RPAP2: variants seen among roughly 807,000 people sequenced by gnomAD.
RPAP2 encodes RNA polymerase II associated protein 2.
Under a neutral mutation model 73.1 loss-of-function variants are expected in RPAP2, and 52 were observed. The observed-to-expected ratio is 0.71, with a 90% CI of 0.57 to 0.90. RPAP2 has a LOEUF of 0.90. Ranked by LOEUF, RPAP2 falls within the 40% of genes least tolerant of loss-of-function variation. The probability of loss-of-function intolerance (pLI) is 0.00; values close to 1 mark genes in which losing one functional copy is unlikely to be tolerated. For synonymous variants in RPAP2, 225 were observed against 242.1 expected, an observed-to-expected ratio of 0.93 and a Z score of 0.65; for missense variants, 598 against 701.8, an observed-to-expected ratio of 0.85 and a Z score of 1.67.
chr1:92,371,313 AAAAAAAATATAT>A (rs74529175), intron 11 of RPAP2, among the ~76,000 whole-genome samples: 65,409 of 137,938 alleles, frequency 0.47, 16,415 homozygotes, highest in East Asian at 0.94. Context: ...TCAAAAAAAA[AAAAAAAATATAT>A]ATATATATAT....
chr1:92,310,109 A>T (rs1456528565), intron 6 of RPAP2, among the ~76,000 whole-genome samples: 1 of 152,224 alleles, frequency 6.6e-6, no homozygotes, highest in East Asian at 1.9e-4. Context: ...AACAGTGAAT[A>T]ATCTATATAT....
rs1655899867 is a variant in RPAP2, at chr1:92,387,201, G to A, written c.*190G>A. 4.7e-6 allele frequency: 2 copies of A among 425,846 alleles called. No individual in the cohort carries two copies. The highest frequency in any genetic ancestry group is 8.4e-6 in the Non-Finnish European group (2 of 238,112). The allele number at this position is 425,846 out of a possible 1,614,324, so 26.4% of individuals were successfully genotyped here. The stretch of plus-strand genomic sequence containing the variant: ...GCAGAGGATGACCTCCCCAGATAGA[G>A]GAGAATCATTACTCCAACAAGAATA... On this transcript the variant is annotated 3_prime_UTR_variant, in exon 13 of 13. Coordinates refer to ENST00000610020, the MANE Select transcript of RPAP2 (RefSeq NM_024813.3).
At chr1:92,379,661 G>A (rs1272082672) in intron 11 of RPAP2, among the ~76,000 whole-genome samples, 11 of 152,126 alleles carry the variant, frequency 7.2e-5, no homozygotes, top group Non-Finnish European at 1.0e-4. Flanking sequence ...TTAGCCAGGC[G>A]TGGTGGCTCA....
intron 11 of RPAP2, among the ~76,000 whole-genome samples, chr1:92,380,417 C>T (rs1299384252): frequency 6.6e-6 from 1 of 152,170 alleles, no homozygotes; most frequent in African/African-American, 2.4e-5. Flanking sequence ...CTTTTCGTAA[C>T]CTCCCTTTCC....
intron 11 of RPAP2, among the ~76,000 whole-genome samples, chr1:92,350,350 T>C (rs184931090): frequency 1.5e-3 from 229 of 152,278 alleles, no homozygotes; most frequent in African/African-American, 5.2e-3. Context: ...AGAACATATA[T>C]AACAGTGATA....
rs541345909 is a variant in RPAP2, at chr1:92,397,318, A to T, written c.*10307A>T. On this transcript the variant is annotated 3_prime_UTR_variant, in exon 13 of 13. Coordinates refer to ENST00000610020, the MANE Select transcript of RPAP2 (RefSeq NM_024813.3). Reference sequence around the variant, plus strand: ...GGTGGGAGGATCACTTGAGCCCAGGAGGCAGAGGTTGTAGGGAGCCAAGAT... The same window carrying T: ...GGTGGGAGGATCACTTGAGCCCAGGTGGCAGAGGTTGTAGGGAGCCAAGAT... The T allele has an allele frequency of 6.6e-6, 1 of 152,210 alleles. No individual in the cohort carries two copies. Among genetic ancestry groups the T allele is most frequent in the Non-Finnish European group, 1.5e-5 (1 of 68,074 alleles). 9.4% of individuals were successfully genotyped at this position (152,210 alleles called of 1,614,324 possible).
At chr1:92,373,955 G>C (rs1407812752) in intron 11 of RPAP2, among the ~76,000 whole-genome samples, 1 of 151,940 alleles carries the variant, frequency 6.6e-6, no homozygotes, top group Non-Finnish European at 1.5e-5. Flanking sequence ...TAATAGTACA[G>C]GGGTTGGCAA....
chr1:92,306,189 CAG>C (rs1040110679), intron 5 of RPAP2, among the ~76,000 whole-genome samples: 3 of 152,002 alleles, frequency 2.0e-5, no homozygotes, highest in Non-Finnish European at 4.4e-5. Flanking sequence ...TTAACAGAGA[CAG>C]AAAGTAGAAT....
intron 11 of RPAP2, among the ~76,000 whole-genome samples, chr1:92,351,419 G>A (rs746839203): frequency 3.3e-5 from 5 of 150,790 alleles, no homozygotes; most frequent in Non-Finnish European, 7.4e-5. Flanking sequence ...ATAATTCCAT[G>A]TTACCCACAA....
intron 10 of RPAP2, among the ~76,000 whole-genome samples, chr1:92,344,175 C>T (rs940311155): frequency 2.0e-5 from 3 of 152,018 alleles, no homozygotes; most frequent in Admixed American, 2.0e-4. Flanking sequence ...TTTGGGAGGC[C>T]GAGGCGGGTG....
At chr1:92,373,625 G>A (rs1344493555) in intron 11 of RPAP2, among the ~76,000 whole-genome samples, 1 of 151,128 alleles carries the variant, frequency 6.6e-6, no homozygotes, top group Non-Finnish European at 1.5e-5. Context: ...GCCATGTACA[G>A]TGGCTTACAC....
At position 92,304,337 on chromosome 1, in the gene RPAP2, T is replaced by C. The variant is rs1651060976; in HGVS notation, c.387T>C (p.Ile129=). 1 of 1,518,386 alleles carries C rather than the reference T, an allele frequency of 6.6e-7. No homozygotes were observed. The highest frequency in any genetic ancestry group is 1.4e-5 in the African/African-American group (1 of 71,996). The allele number at this position is 1,518,386 out of a possible 1,614,324, so 94.1% of individuals were successfully genotyped here. ...CCAAAACCAATAAAGTCTATGATATTACTGAAAGAAAGGTGAGTTTAAAGG... is the reference window on the plus strand; with the variant it reads ...CCAAAACCAATAAAGTCTATGATATCACTGAAAGAAAGGTGAGTTTAAAGG... ...ISTKTNKVYD[I]TERKSFCSNF... The change falls in exon 5 of 13, where the codon ATT becomes ATC. Residue 129 remains isoleucine (I), a synonymous_variant. Transcript: ENST00000610020.
At chr1:92,354,972 C>T (rs1373268459) in intron 11 of RPAP2, among the ~76,000 whole-genome samples, 1 of 151,426 alleles carries the variant, frequency 6.6e-6, no homozygotes, top group Non-Finnish European at 1.5e-5. Flanking sequence ...GATCTCAGCT[C>T]ATTGCAATCT....
intron 6 of RPAP2, among the ~76,000 whole-genome samples, chr1:92,319,369 T>C (rs943566946): frequency 6.6e-5 from 10 of 152,250 alleles, no homozygotes; most frequent in Non-Finnish European, 1.5e-4. Flanking sequence ...CTCTCTGTAC[T>C]CAGTTTCCTT....
chr1:92,303,439 G>A (rs775401229), intron 3 of RPAP2, among the ~76,000 whole-genome samples: 2 of 152,146 alleles, frequency 1.3e-5, no homozygotes, highest in African/African-American at 2.4e-5. Flanking sequence ...GAAAATATTT[G>A]ATGTTAGCTT....
rs370007455 is a variant in RPAP2 at position 92,323,580 on chromosome 1, G to A, written c.660G>A (p.Glu220=). 61 of 1,613,902 alleles carry A rather than the reference G, an allele frequency of 3.8e-5. No individual in the cohort carries two copies. Among genetic ancestry groups the A allele is most frequent in the Non-Finnish European group, 4.8e-5 (57 of 1,179,974 alleles). The change falls in exon 8 of 13, where the codon GAG becomes GAA. Residue 220 remains glutamate (E), a synonymous_variant. Transcript: ENST00000610020. ...ACAGTGATAGTAGCAGTGACAATGA[G>A]CAAGACTTTGTTTCCTCCATTCTAC... is the stretch of plus-strand genomic sequence containing the variant. ...STHSDSSSDN[E]QDFVSSILPG...
intron 5 of RPAP2, among the ~76,000 whole-genome samples, chr1:92,305,432 C>CAAAAAAAAAAAAAAAAAA (rs71091273): frequency 1.0e-3 from 54 of 52,658 alleles, no homozygotes; most frequent in African/African-American, 3.1e-3. Context: ...GGCTCCGTCT[C>CAAAAAAAAAAAAAAAAAA]AAAAAAAAAA....
intron 6 of RPAP2, among the ~76,000 whole-genome samples, chr1:92,319,071 A>G (rs897562403): frequency 2.6e-5 from 4 of 152,194 alleles, no homozygotes; most frequent in Non-Finnish European, 4.4e-5. Flanking sequence ...AGAGGTTTGT[A>G]GAGTAAATAC....
At chr1:92,317,058 C>T (rs2101149347) in intron 6 of RPAP2, among the ~76,000 whole-genome samples, 1 of 152,192 alleles carries the variant, frequency 6.6e-6, no homozygotes, top group South Asian at 2.1e-4. Context: ...AAGGTGGTAT[C>T]CTTGCAACTT....
Sources: gnomAD v4.1 joint callset for allele counts (sites outside exome capture counted in the v4.1 genomes callset) on GRCh38, gnomAD v4.1.1 for gene constraint, MANE v1.5 for transcripts, NCBI Gene and HGNC (gene_info 2026-07-23, HGNC 2026-07-21) for gene names.